RAPGEF4: variants seen among roughly 807,000 people sequenced by gnomAD.
RAPGEF4 encodes the protein RAP guanine-nucleotide-exchange factor (GEF) 4.
RAPGEF4 carries 66 observed loss-of-function variants against 147.9 expected under a neutral mutation model. The ratio of observed to expected loss-of-function variants is 0.45; its 90% confidence interval spans 0.37 to 0.55. RAPGEF4 has a LOEUF of 0.55. RAPGEF4 is among the 20% of genes least tolerant of loss of function. The pLI is 0.00. For synonymous variants in RAPGEF4, 419 were observed against 442.7 expected (o/e 0.95, Z 0.67); for missense variants, 1,071 against 1,257.3 (o/e 0.85, Z 2.24).
intron 4 of RAPGEF4, among the ~76,000 whole-genome samples, chr2:172,823,201 G>A (rs1056258856): frequency 6.6e-6 from 1 of 152,172 alleles, no homozygotes; most frequent in African/African-American, 2.4e-5. Flanking sequence ...ATCCCTAAAG[G>A]ATTGGGGACA....
chr2:173,024,496 C>T (rs755560932), intron 23 of RAPGEF4, among the ~76,000 whole-genome samples: 1 of 152,152 alleles, frequency 6.6e-6, no homozygotes, highest in Non-Finnish European at 1.5e-5. Context: ...GGATTACAGG[C>T]GTGAGCCACC....
At chr2:173,047,606 A>C (rs564383797) in intron 29 of RAPGEF4, among the ~76,000 whole-genome samples, 26 of 152,176 alleles carry the variant, frequency 1.7e-4, no homozygotes, top group Non-Finnish European at 2.8e-4. Context: ...AATATTAACA[A>C]GATTACTCTG....
At chr2:172,825,615 G>A (rs1177209866) in intron 4 of RAPGEF4, among the ~76,000 whole-genome samples, 2 of 152,056 alleles carry the variant, frequency 1.3e-5, no homozygotes. Context: ...ACCAATTTAT[G>A]TGAATGCTTT....
chr2:172,981,132 C>T (rs1041874979), intron 10 of RAPGEF4, among the ~76,000 whole-genome samples: 3 of 152,102 alleles, frequency 2.0e-5, no homozygotes, highest in Admixed American at 6.5e-5. Flanking sequence ...CTCCTCTCAC[C>T]GTAACAGCCC....
At chr2:172,955,158 C>T (rs1245611557) in intron 6 of RAPGEF4, among the ~76,000 whole-genome samples, 2 of 152,162 alleles carry the variant, frequency 1.3e-5, no homozygotes, top group Non-Finnish European at 2.9e-5. Flanking sequence ...AAGAATTACC[C>T]CCTTTCAAAA....
At position 173,051,781 on chromosome 2, in the gene RAPGEF4, C is replaced by A. The variant is rs1686275632; in HGVS notation, c.*14C>A. On this transcript the variant is annotated 3_prime_UTR_variant, in exon 31 of 31. Transcript: ENST00000397081. The stretch of plus-strand genomic sequence containing the variant: ...CGTCGACCATAGACATTTCAAATGC[C>A]CAAAGCAACAGTTTGTCTCCAGTCC... 1.2e-6 allele frequency: 2 copies of A among 1,612,176 alleles called. No homozygotes were observed. The highest frequency in any genetic ancestry group is 1.7e-6 in the Non-Finnish European group (2 of 1,178,766).
intron 6 of RAPGEF4, among the ~76,000 whole-genome samples, chr2:172,945,564 TG>T (rs1687599980): frequency 1.3e-5 from 2 of 152,158 alleles, no homozygotes; most frequent in Admixed American, 1.3e-4. Context: ...TACGCTCACA[TG>T]CAGAGGACTA....
At position 172,923,083 on chromosome 2, in the gene RAPGEF4, C is replaced by T. The variant is rs117751603; in HGVS notation, c.537+783C>T. ...TGTCACCTTTGCCTTTCTCTGCTTT[C>T]GGTCCCATGTCTGTGGGAAGATATA... On this transcript the variant is annotated intron_variant, in intron 6 of 30. Transcript: ENST00000397081. Among the ~76,000 whole-genome samples, 241 of 152,278 alleles carry T rather than the reference C, an allele frequency of 1.6e-3. 4 individuals are homozygous for T. In the East Asian group the frequency reaches 0.041, roughly 26 times the overall value.
In RAPGEF4 at chr2:172,930,883, A is replaced by T. The variant is rs552244304; in HGVS notation, c.537+8583A>T. Among the ~76,000 whole-genome samples the T allele has an allele frequency of 6.0e-4, 92 of 152,296 alleles. 2 individuals are homozygous for T. In the South Asian group the frequency reaches 0.018, roughly 31 times the overall value. The stretch of plus-strand genomic sequence containing the variant: ...TTCTGGGTAAAACAAGGGCTAAGTC[A>T]TTGAATTCACTTCTGTCATGCTTTT... On this transcript the variant is annotated intron_variant, in intron 6 of 30. Coordinates refer to ENST00000397081, the MANE Select transcript of RAPGEF4 (RefSeq NM_007023.4).
At chr2:172,941,163 T>G (rs1687106273) in intron 6 of RAPGEF4, among the ~76,000 whole-genome samples, 1 of 152,186 alleles carries the variant, frequency 6.6e-6, no homozygotes. Flanking sequence ...GACAGATTGA[T>G]TTCTTCCTCC....
At position 172,872,725 on chromosome 2, in the gene RAPGEF4, CT is replaced by C. The variant is rs540723195; in HGVS notation, c.445-45075del. Among the ~76,000 whole-genome samples, 18 of 152,182 alleles carry C rather than the reference CT, an allele frequency of 1.2e-4. 2 individuals are homozygous for C. Among genetic ancestry groups the C allele is most frequent in the Admixed American group, 1.1e-3 (17 of 15,268 alleles). On this transcript the variant is annotated intron_variant, in intron 4 of 30. Coordinates refer to ENST00000397081, the MANE Select transcript of RAPGEF4 (RefSeq NM_007023.4). ...TGCCTGCTTCCCCTTCACCTTTCTCCTTGATTGTAAGTTTCCCAAGGCCTCC... is the reference window on the plus strand; with the variant it reads ...TGCCTGCTTCCCCTTCACCTTTCTCCTGATTGTAAGTTTCCCAAGGCCTCC...
rs577170875 is a variant in RAPGEF4, at chr2:172,857,419, T to C, written c.444+42994T>C. On this transcript the variant is annotated intron_variant, in intron 4 of 30. Coordinates refer to ENST00000397081, the MANE Select transcript of RAPGEF4 (RefSeq NM_007023.4). ...GCACCAGACTCATCCCAAGATCTCATTACTCAGTGGATACTTCATATGTCT... is the reference window on the plus strand; with the variant it reads ...GCACCAGACTCATCCCAAGATCTCACTACTCAGTGGATACTTCATATGTCT... 2.6e-5 allele frequency among the ~76,000 whole-genome samples: 4 copies of C among 152,340 alleles called. No homozygotes were observed. In the South Asian group the frequency reaches 8.3e-4, roughly 32 times the overall value.
intron 4 of RAPGEF4, among the ~76,000 whole-genome samples, chr2:172,916,164 G>T (rs1380716927): frequency 6.6e-6 from 1 of 152,202 alleles, no homozygotes; most frequent in Non-Finnish European, 1.5e-5. Flanking sequence ...CTTGAAGGAA[G>T]ATGAAGTCCC....
At position 172,967,303 on chromosome 2, in the gene RAPGEF4, G is replaced by A. The variant is rs1298298703; in HGVS notation, c.863G>A (p.Arg288Gln). 4 of 1,612,286 alleles carry A rather than the reference G, an allele frequency of 2.5e-6. No homozygotes were observed. Among genetic ancestry groups the A allele is most frequent in the Non-Finnish European group, 2.5e-6 (3 of 1,179,684 alleles). The change falls in exon 10 of 31, where the codon CGA (arginine) becomes CAA (glutamine). Residue 288 changes from arginine to glutamine, a missense_variant. Physicochemically the swap from Arg to Gln is conservative, Grantham distance 43. Coordinates refer to ENST00000397081, the MANE Select transcript of RAPGEF4 (RefSeq NM_007023.4). ...TTCCAAGACAAATATTTATTCTATC[G>A]ATTTCTGGATGATGAGCACGAGGAT... Reference protein sequence around the residue: ...HHFQDKYLFYRFLDDEHEDAP... With the variant: ...HHFQDKYLFYQFLDDEHEDAP...
chr2:172,764,206 A>T (rs919815798), intron 1 of RAPGEF4, among the ~76,000 whole-genome samples: 33 of 151,912 alleles, frequency 2.2e-4, no homozygotes, highest in Non-Finnish European at 3.8e-4. Context: ...TTGAACCATG[A>T]TCACGCACTG....
chr2:173,016,796 C>G (rs1695547712), intron 19 of RAPGEF4, among the ~76,000 whole-genome samples: 1 of 152,206 alleles, frequency 6.6e-6, no homozygotes, highest in Admixed American at 6.5e-5. Flanking sequence ...GGAAAATTCA[C>G]TAACTGCTGC....
At chr2:172,936,043 A>T (rs185769823) in intron 6 of RAPGEF4, among the ~76,000 whole-genome samples, 46 of 152,302 alleles carry the variant, frequency 3.0e-4, no homozygotes, top group Non-Finnish European at 5.6e-4. Context: ...TCTCTTTCTG[A>T]TCATAAATAT....
chr2:172,862,939 G>T (rs1362155558), intron 4 of RAPGEF4, among the ~76,000 whole-genome samples: 1 of 152,126 alleles, frequency 6.6e-6, no homozygotes, highest in Non-Finnish European at 1.5e-5. Flanking sequence ...GGAGGTGGGG[G>T]ACTGAGTAGG....
At chr2:173,051,557 G>T (rs1288067186) in intron 30 of RAPGEF4, 83 bp from the exon 31 acceptor site, 10 of 1,428,956 alleles carry the variant, frequency 7.0e-6, no homozygotes, top group African/African-American at 1.4e-5. Context: ...TATGATAAAT[G>T]TAATAAATAA....
Sources: allele counts gnomAD v4.1 joint callset (sites outside exome capture counted in the v4.1 genomes callset), GRCh38; gene constraint gnomAD v4.1.1; transcripts MANE v1.5; gene names NCBI Gene and HGNC (gene_info 2026-07-23, HGNC 2026-07-21).